Variants in FTO observed in about 807,000 individuals in gnomAD.
The protein encoded by FTO is alpha-ketoglutarate-dependent dioxygenase FTO.
A neutral mutation model predicts 63.9 loss-of-function variants in FTO; 47 were observed. The ratio of observed to expected loss-of-function variants is 0.74; its 90% CI spans 0.58 to 0.94. FTO has a LOEUF of 0.94. Among genes scored for constraint, FTO ranks in the 40% least tolerant of loss-of-function variants. The pLI is 0.00. For synonymous variants in FTO, 207 were observed against 224.4 expected (o/e 0.92, Z 0.69); for missense variants, 562 against 618.1 (o/e 0.91, Z 0.96).
At chr16:54,079,752 G>A (rs1314086691) in intron 8 of FTO, among the ~76,000 whole-genome samples, 1 of 152,158 alleles carries the variant, frequency 6.6e-6, no homozygotes. Context: ...ATCTAAGGAG[G>A]CAGTCGCGAC....
chr16:54,069,510 G>A (rs2085812057), intron 8 of FTO, among the ~76,000 whole-genome samples: 1 of 152,092 alleles, frequency 6.6e-6, no homozygotes, highest in Non-Finnish European at 1.5e-5. Flanking sequence ...AAAACAAAAA[G>A]GCAATAGAGA....
chr16:54,020,753 C>G (rs1485720195), intron 8 of FTO, among the ~76,000 whole-genome samples: 2 of 152,218 alleles, frequency 1.3e-5, no homozygotes, highest in Non-Finnish European at 1.5e-5. Flanking sequence ...AGGCGGATTA[C>G]TTGAGGTCAG....
intron 8 of FTO, among the ~76,000 whole-genome samples, chr16:54,003,005 T>C (rs2084105097): frequency 6.6e-6 from 1 of 152,234 alleles, no homozygotes; most frequent in South Asian, 2.1e-4. Flanking sequence ...CATGCAGCCT[T>C]GTACTGGGTC....
Position 54,118,487 on chromosome 16 carries a change from G to T in FTO, c.*6572G>T, listed in dbSNP as rs550652682. The T allele has an allele frequency of 6.6e-6, 1 of 151,742 alleles. No homozygotes were observed. The highest frequency in any genetic ancestry group is 2.4e-5 in the African/African-American group (1 of 41,360). 9.4% of individuals were successfully genotyped at this position (151,742 alleles called of 1,614,324 possible). On this transcript the variant is annotated 3_prime_UTR_variant, in exon 9 of 9. Coordinates refer to ENST00000471389, the MANE Select transcript of FTO (RefSeq NM_001080432.3). ...CGATTCTCCTGCCTCAGCCTCCTAA[G>T]TAGTCGGGATCATAGGCACTTGCCA...
Position 54,106,862 on chromosome 16 carries a change from TATA to T in FTO, c.1365-4893_1365-4891del, listed in dbSNP as rs569999375. 8.8e-3 allele frequency among the ~76,000 whole-genome samples: 1,214 copies of T among 138,230 alleles called. 21 individuals are homozygous for T. The highest frequency in any genetic ancestry group is 0.03 in the African/African-American group (1,151 of 38,174). 90.7% of individuals were successfully genotyped at this position (138,230 alleles called of 152,430 possible). On this transcript the variant is annotated intron_variant, in intron 8 of 8. Coordinates refer to ENST00000471389, the MANE Select transcript of FTO (RefSeq NM_001080432.3). The stretch of plus-strand genomic sequence containing the variant: ...TATATCATTATATATAATAATTATA[TATA>T]ATAATATAATAAATATATTATTGTA...
At chr16:53,880,129 G>A in intron 6 of FTO, 142 bp downstream of exon 6, 2 of 653,308 alleles carry the variant, frequency 3.1e-6, no homozygotes, top group South Asian at 1.8e-5. Flanking sequence ...CGAATAGGTG[G>A]GACTACAGGT....
In FTO at chr16:54,088,696, G is replaced by A. The variant is rs938885877; in HGVS notation, c.1365-23066G>A. ...AGAATCTCCTGTCAGAAATGCCCAA[G>A]GAAAGGTTGTTATGAAAGGAAAACA... is the stretch of plus-strand genomic sequence containing the variant. On this transcript the variant is annotated intron_variant, in intron 8 of 8. Coordinates refer to ENST00000471389, the MANE Select transcript of FTO (RefSeq NM_001080432.3). 2.6e-5 allele frequency among the ~76,000 whole-genome samples: 4 copies of A among 152,276 alleles called. No individual in the cohort carries two copies. In the South Asian group the frequency reaches 8.3e-4, roughly 32 times the overall value.
chr16:53,777,854 A>G (rs1251512925), intron 1 of FTO, among the ~76,000 whole-genome samples: 1 of 152,224 alleles, frequency 6.6e-6, no homozygotes, highest in Admixed American at 6.5e-5. Context: ...TCTGCCAAAT[A>G]CTCAAGTCCG....
At chr16:53,890,441 T>G (rs77465456) in intron 7 of FTO, among the ~76,000 whole-genome samples, 6,921 of 152,138 alleles carry the variant, frequency 0.045, 509 homozygotes, top group African/African-American at 0.15. Flanking sequence ...ATAAGAACAC[T>G]TAACATAGGA....
intron 8 of FTO, among the ~76,000 whole-genome samples, chr16:53,970,647 T>C (rs2083296771): frequency 6.7e-6 from 1 of 148,746 alleles, no homozygotes; most frequent in African/African-American, 2.5e-5. Context: ...TGGTGGTGGG[T>C]ATGGCAAACA....
chr16:54,007,467 T>C (rs2084235311), intron 8 of FTO, among the ~76,000 whole-genome samples: 1 of 152,156 alleles, frequency 6.6e-6, no homozygotes. Context: ...GTTTGGCTCT[T>C]TTGTAAAATG....
Position 53,713,611 on chromosome 16 carries a change from G to A in FTO, c.45+9382G>A, listed in dbSNP as rs150008941. ...GTTCAAGAGATGAAGATTTGTGTTG[G>A]TAGGGGCTTGTTTCCAAACGTTTGT... is the stretch of plus-strand genomic sequence containing the variant. On this transcript the variant is annotated intron_variant, in intron 1 of 8. Coordinates refer to ENST00000471389, the MANE Select transcript of FTO (RefSeq NM_001080432.3). Among the ~76,000 whole-genome samples the A allele has an allele frequency of 1.0e-3, 156 of 152,296 alleles. 1 individual carries two copies. The highest frequency in any genetic ancestry group is 3.6e-3 in the African/African-American group (150 of 41,570).
intron 8 of FTO, among the ~76,000 whole-genome samples, chr16:53,942,500 T>C (rs1483926112): frequency 6.6e-6 from 1 of 152,320 alleles, no homozygotes; most frequent in South Asian, 2.1e-4. Context: ...AAGAGAGTTA[T>C]AAAGACAGCC....
chr16:53,826,191 A>G lies in FTO; in HGVS notation c.451A>G (p.Ile151Val). 2.5e-6 allele frequency: 4 copies of G among 1,614,178 alleles called. No homozygotes were observed. Among genetic ancestry groups the G allele is most frequent in the Non-Finnish European group, 3.4e-6 (4 of 1,180,028 alleles). ...KLNDYLQIET[I>V]QALEELAAKE... is the part of the protein sequence containing the mutation. The stretch of plus-strand genomic sequence containing the variant: ...CAATGACTACCTGCAGATAGAAACC[A>G]TCCAGGCTTTGGAAGAACTTGCTGC... The change falls in exon 3 of 9, where the codon ATC (isoleucine) becomes GTC (valine). Residue 151 changes from isoleucine (I) to valine (V), a missense_variant. Transcript: ENST00000471389.
intron 1 of FTO, among the ~76,000 whole-genome samples, chr16:53,766,977 C>T (rs552604201): frequency 6.6e-6 from 1 of 152,076 alleles, no homozygotes; most frequent in Non-Finnish European, 1.5e-5. Context: ...TCTCATTGTT[C>T]CTCCTGCTAC....
chr16:53,893,302 T>A (rs984683275), intron 7 of FTO, among the ~76,000 whole-genome samples: 1 of 152,138 alleles, frequency 6.6e-6, no homozygotes, highest in Non-Finnish European at 1.5e-5. Flanking sequence ...TTAATTTTTT[T>A]AAAACCCGAT....
At chr16:54,076,045 T>C (rs2085985318) in intron 8 of FTO, among the ~76,000 whole-genome samples, 1 of 152,058 alleles carries the variant, frequency 6.6e-6, no homozygotes. Flanking sequence ...TTAATGACAA[T>C]CCTCCAAGAC....
At chr16:53,937,426 C>T (rs2082414885) in intron 8 of FTO, 1 of 394,164 alleles carries the variant, frequency 2.5e-6, no homozygotes, top group Non-Finnish European at 4.5e-6. Context: ...CCCTTCTTGA[C>T]CTGCGTAGCC....
intron 8 of FTO, among the ~76,000 whole-genome samples, chr16:54,092,177 G>T (rs1234067177): frequency 6.6e-6 from 1 of 152,198 alleles, no homozygotes; most frequent in South Asian, 2.1e-4. Flanking sequence ...CAGCTACTTG[G>T]GGGGCTGAGT....
Sources: allele counts gnomAD v4.1 joint callset (sites outside exome capture counted in the v4.1 genomes callset), GRCh38; gene constraint gnomAD v4.1.1; transcripts MANE v1.5; gene names NCBI Gene and HGNC (gene_info 2026-07-23, HGNC 2026-07-21).